Variants in SIGLEC5 observed in about 807,000 individuals in gnomAD.
The protein encoded by SIGLEC5 is sialic acid-binding Ig-like lectin 5.
In SIGLEC5, 34 loss-of-function variants were observed where a neutral mutation model predicts 45.9. The observed-to-expected ratio is 0.74, with a 90% confidence interval of 0.56 to 0.99. The LOEUF (loss-of-function observed/expected upper bound fraction) is 0.99, where lower values mean the gene tolerates loss of function less well. SIGLEC5 is among the 50% of genes least tolerant of loss of function. The pLI is 0.00. For synonymous variants in SIGLEC5, 203 were observed against 258.6 expected, an observed-to-expected ratio of 0.79 and a Z score of 2.06; for missense variants, 508 against 629.6, an observed-to-expected ratio of 0.81 and a Z score of 2.07.
intron 8 of SIGLEC5, chr19:51,621,304 A>G (rs1393734478): frequency 6.6e-6 from 1 of 152,214 alleles, no homozygotes; most frequent in African/African-American, 2.4e-5. Flanking sequence ...AATGGTGGGG[A>G]AATGAAAGGT....
intron 8 of SIGLEC5, among the ~76,000 whole-genome samples, chr19:51,616,535 C>T (rs1983060748): frequency 6.6e-6 from 1 of 151,936 alleles, no homozygotes; most frequent in African/African-American, 2.4e-5. Context: ...CTAGAAGGGC[C>T]GTCAGAAGTA....
chr19:51,612,556 C>A, intron 8 of SIGLEC5, 134 bp from the exon 9 acceptor site: 1 of 644,508 alleles, frequency 1.6e-6, no homozygotes, highest in Non-Finnish European at 2.6e-6. Context: ...AGAAGCAGGG[C>A]TTAGTCACCT....
chr19:51,613,876 G>A (rs1982950405), intron 8 of SIGLEC5, among the ~76,000 whole-genome samples: 3 of 151,976 alleles, frequency 2.0e-5, no homozygotes. Context: ...CCCTGACCTA[G>A]GCAGGAGGAG....
At position 51,611,964 on chromosome 19, in the gene SIGLEC5, C is replaced by T. The variant is rs141139684; in HGVS notation, c.*267G>A. 5.9e-4 allele frequency: 144 copies of T among 242,736 alleles called. No individual in the cohort carries two copies. Among genetic ancestry groups the T allele is most frequent in the African/African-American group, 3.0e-3 (134 of 44,484 alleles). The allele number at this position is 242,736 out of a possible 1,614,324, so 15.0% of individuals were successfully genotyped here. On this transcript the variant is annotated 3_prime_UTR_variant, in exon 9 of 9. Transcript: ENST00000683636. ...CATGTGTTGATTTCTTTAATGTTCA[C>T]AACAACCTTTGAGGTAGCATGCATG... is the stretch of plus-strand genomic sequence containing the variant.
intron 8 of SIGLEC5, 35 bp from the exon 9 acceptor site, chr19:51,612,457 A>G (rs1448931522): frequency 6.9e-7 from 1 of 1,451,650 alleles, no homozygotes; most frequent in Admixed American, 2.0e-5. Flanking sequence ...TCACAGTAGG[A>G]ATAAAGAGGC....
At chr19:51,626,631 G>C (rs1476372372) in intron 7 of SIGLEC5, among the ~76,000 whole-genome samples, 1 of 152,108 alleles carries the variant, frequency 6.6e-6, no homozygotes, top group Non-Finnish European at 1.5e-5. Flanking sequence ...AATCCACAGA[G>C]ACATGGAATA....
intron 7 of SIGLEC5, 47 bp downstream of exon 7, chr19:51,627,102 A>C: frequency 7.0e-7 from 1 of 1,430,044 alleles, no homozygotes; most frequent in South Asian, 1.1e-5. Flanking sequence ...AGTCTCTCCT[A>C]CTCCCTACAA....
intron 8 of SIGLEC5, among the ~76,000 whole-genome samples, chr19:51,613,125 G>A (rs1982923457): frequency 6.6e-6 from 1 of 152,142 alleles, no homozygotes; most frequent in African/African-American, 2.4e-5. Context: ...TGTCTTGGTG[G>A]GAATAAACCG....
intron 8 of SIGLEC5, among the ~76,000 whole-genome samples, chr19:51,622,056 G>A (rs1283487409): frequency 6.6e-6 from 1 of 152,162 alleles, no homozygotes; most frequent in Non-Finnish European, 1.5e-5. Context: ...TCCACATTGA[G>A]CTATAGATTC....
chr19:51,626,624 CCA>C (rs1233561674), intron 7 of SIGLEC5, among the ~76,000 whole-genome samples: 1 of 152,078 alleles, frequency 6.6e-6, no homozygotes, highest in Non-Finnish European at 1.5e-5. Flanking sequence ...ACAGACAAAT[CCA>C]CAGAGACATG....
Position 51,612,267 on chromosome 19 carries a change from G to A in SIGLEC5, c.1620C>T (p.Ser540=). ...TCTTGATCTCCGAGTACTCCGTGGT[G>A]CTTGGGGCCTCCTGGTCCTTAGGCT... The part of the protein sequence containing the change: ...SREPKDQEAP[S]TTEYSEIKTS... The change falls in exon 9 of 9, where the codon AGC becomes AGT. Residue 540 remains serine, a synonymous_variant. Transcript: ENST00000683636. 6.2e-7 allele frequency: 1 copy of A among 1,611,112 alleles called. No individual in the cohort carries two copies. The highest frequency in any genetic ancestry group is 1.3e-5 in the African/African-American group (1 of 74,940).
chr19:51,624,259 A>G (rs954111206), intron 8 of SIGLEC5, among the ~76,000 whole-genome samples: 2 of 152,238 alleles, frequency 1.3e-5, no homozygotes, highest in Non-Finnish European at 2.9e-5. Context: ...AGCAAGTCCA[A>G]GAAGTGTGCG....
intron 8 of SIGLEC5, among the ~76,000 whole-genome samples, chr19:51,615,974 C>A (rs1221465400): frequency 6.6e-6 from 1 of 152,202 alleles, no homozygotes; most frequent in Non-Finnish European, 1.5e-5. Flanking sequence ...CGGAGTTTCT[C>A]CATGTTGGTT....
intron 8 of SIGLEC5, among the ~76,000 whole-genome samples, chr19:51,613,697 G>C (rs1982943207): frequency 6.6e-6 from 1 of 152,122 alleles, no homozygotes; most frequent in South Asian, 2.1e-4. Flanking sequence ...CAGTATAAAA[G>C]ATATTCTAAT....
intron 8 of SIGLEC5, among the ~76,000 whole-genome samples, chr19:51,618,443 T>TAAAAAAAAAAAAAAAAAAAAAAAAAA (rs1228951315): frequency 2.0e-5 from 1 of 49,438 alleles, no homozygotes; most frequent in Non-Finnish European, 3.4e-5. Context: ...AGACCCTGCC[T>TAAAAAAAAAAAAAAAAAAAAAAAAAA]AAAAAAAAAA....
rs1442086686 is a variant in SIGLEC5, at chr19:51,627,207, C to T, written c.1324G>A (p.Gly442Ser). ...AGCAGGGCCATGACACCAGCACCAC[C>T]AAGGGCTGCAGGAACCACTCCTGTC... Reference protein sequence around the residue: ...LGTGVVPAALGGAGVMALLCI... With the variant: ...LGTGVVPAALSGAGVMALLCI... Residue 442 changes from glycine (G) to serine (S), a missense_variant, in exon 7 of 9, where the codon GGT becomes AGT. Gly to Ser is a moderately conservative substitution (Grantham distance 56). This residue lies in a region of SIGLEC5 where 431 missense variants were observed against 428.8 expected (regional missense o/e 1.01). Transcript: ENST00000683636. 1.2e-6 allele frequency: 2 copies of T among 1,614,138 alleles called. No individual in the cohort carries two copies. The highest frequency in any genetic ancestry group is 1.7e-5 in the Admixed American group (1 of 60,016).
intron 4 of SIGLEC5, 144 bp downstream of exon 4, chr19:51,628,894 G>A (rs1480126278): frequency 1.3e-6 from 1 of 777,082 alleles, no homozygotes; most frequent in East Asian, 2.6e-5. Context: ...TGCACATGGG[G>A]CTCACAGAAG....
chr19:51,626,376 T>TA (rs1983483224), intron 7 of SIGLEC5, among the ~76,000 whole-genome samples: 1 of 152,138 alleles, frequency 6.6e-6, no homozygotes, highest in Non-Finnish European at 1.5e-5. Flanking sequence ...ATAGCAGTGT[T>TA]ATGCATCATA....
intron 8 of SIGLEC5, among the ~76,000 whole-genome samples, chr19:51,625,154 T>C (rs1850631666): frequency 6.6e-6 from 1 of 151,900 alleles, no homozygotes; most frequent in African/African-American, 2.4e-5. Flanking sequence ...AAGGATTAGA[T>C]GAGGTAGTCT....
Sources: allele counts gnomAD v4.1 joint callset (sites outside exome capture counted in the v4.1 genomes callset), GRCh38; gene constraint gnomAD v4.1.1; regional missense constraint gnomAD v4.1.1; transcripts MANE v1.5; gene names NCBI Gene and HGNC (gene_info 2026-07-23, HGNC 2026-07-21).